Variants in CYTH4 observed in about 807,000 individuals in gnomAD.
The protein encoded by CYTH4 is cytohesin-4.
Under a neutral mutation model 57.5 loss-of-function variants are expected in CYTH4, and 22 were observed. That is an observed-to-expected ratio of 0.38 (90% CI 0.27 to 0.55). The LOEUF is 0.55. CYTH4 is among the 20% of genes least tolerant of loss of function. The probability of loss-of-function intolerance (pLI) is 0.74; values close to 1 mark genes in which losing one functional copy is unlikely to be tolerated. For synonymous variants in CYTH4, 186 were observed against 206.5 expected, an observed-to-expected ratio of 0.90 and a Z score of 0.85; for missense variants, 420 against 535.6, an observed-to-expected ratio of 0.78 and a Z score of 2.13.
intron 8 of CYTH4, among the ~76,000 whole-genome samples, chr22:37,307,102 C>T (rs972945438): frequency 2.4e-4 from 36 of 152,322 alleles, no homozygotes; most frequent in African/African-American, 8.7e-4. Flanking sequence ...GAAGGAGGCC[C>T]TTGCATTTCT....
Position 37,295,693 on chromosome 22 carries a change from C to T in CYTH4, c.168-306C>T, listed in dbSNP as rs1353471204. Reference sequence around the variant, plus strand: ...CTGGCTCCAGCACCTGCGTGCTCAGCCCTCGCCCCCTCCCCCGGTTTCTTG... The same window carrying T: ...CTGGCTCCAGCACCTGCGTGCTCAGTCCTCGCCCCCTCCCCCGGTTTCTTG... On this transcript the variant is annotated intron_variant, in intron 3 of 12. Transcript: ENST00000248901. This position sits in a 1 kb window ranked among gnomAD's most constrained non-coding sequence, Gnocchi z 4.1. Among the ~76,000 whole-genome samples, 1 of 152,206 alleles carries T rather than the reference C, an allele frequency of 6.6e-6. No homozygotes were observed.
At chr22:37,292,396 T>TG in intron 1 of CYTH4, 1 of 525,762 alleles carries the variant, frequency 1.9e-6, no homozygotes, top group Non-Finnish European at 3.4e-6. Flanking sequence ...AGGATCCTTT[T>TG]GGGGGTGTCT....
In CYTH4 at chr22:37,311,320, G is replaced by C. The variant is rs550868662; in HGVS notation, c.886-136G>C. ...TCTTCACATGCTGCTTCTAACTTCC[G>C]TCCCCCTATGACTGGACAGTCTCGG... On this transcript the variant is annotated intron_variant, in intron 10 of 12. Coordinates refer to ENST00000248901, the MANE Select transcript of CYTH4 (RefSeq NM_013385.5). This position sits in a 1 kb window ranked among gnomAD's most constrained non-coding sequence, Gnocchi z 4.4. 1.2e-6 allele frequency: 1 copy of C among 822,148 alleles called. No homozygotes were observed. Among genetic ancestry groups the C allele is most frequent in the Non-Finnish European group, 2.0e-6 (1 of 506,016 alleles). The allele number at this position is 822,148 out of a possible 1,614,324, so 50.9% of individuals were successfully genotyped here. A position where few individuals can be genotyped will look rare whatever the true frequency, so the allele number is the denominator to read the frequency against.
rs1435910912 is a variant in CYTH4 at position 37,311,818 on chromosome 22, G to C, written c.958-202G>C. The C allele has an allele frequency of 2.5e-5, 18 of 727,626 alleles. No individual in the cohort carries two copies. Among genetic ancestry groups the C allele is most frequent in the Non-Finnish European group, 4.0e-5 (18 of 452,842 alleles). The allele number at this position is 727,626 out of a possible 1,614,324, so 45.1% of individuals were successfully genotyped here. On this transcript the variant is annotated intron_variant, in intron 11 of 12. Coordinates refer to ENST00000248901, the MANE Select transcript of CYTH4 (RefSeq NM_013385.5). The surrounding 1 kb of genome is among the most constrained non-coding windows in gnomAD (Gnocchi z 4.4). The stretch of plus-strand genomic sequence containing the variant: ...GAACCTCAGTGAGCCCACATGTCAC[G>C]TGGGGACTTTAGGGAGGATGGTGGA...
intron 1 of CYTH4, among the ~76,000 whole-genome samples, chr22:37,284,352 A>G (rs1431855731): frequency 2.0e-5 from 3 of 152,066 alleles, no homozygotes; most frequent in Non-Finnish European, 2.9e-5. Context: ...TGGGGTGGAG[A>G]GGCAGGAGCC....
chr22:37,303,454 C>T (rs762862859), intron 8 of CYTH4, 52 bp downstream of exon 8: 32 of 1,584,230 alleles, frequency 2.0e-5, no homozygotes, highest in Non-Finnish European at 2.7e-5. Flanking sequence ...CAGGAGGGAC[C>T]TGTCCTTAGA....
At chr22:37,290,499 G>C (rs1032119257) in intron 1 of CYTH4, among the ~76,000 whole-genome samples, 1 of 151,818 alleles carries the variant, frequency 6.6e-6, no homozygotes, top group Non-Finnish European at 1.5e-5. Flanking sequence ...GGGTTTTTTT[G>C]TTTGTTTTGT....
chr22:37,303,205 G>A (rs1306397901), intron 7 of CYTH4, 49 bp from the exon 8 acceptor site: 1 of 1,610,044 alleles, frequency 6.2e-7, no homozygotes, highest in East Asian at 2.3e-5. Flanking sequence ...CGGGACAGAG[G>A]CAGGGAGAGT....
intron 8 of CYTH4, 54 bp from the exon 9 acceptor site, chr22:37,309,158 C>CT: frequency 6.4e-7 from 1 of 1,560,036 alleles, no homozygotes. Context: ...AGGCCTAGGC[C>CT]TTGGACTCGG....
Position 37,311,402 on chromosome 22 carries a change from TG to T in CYTH4, c.886-51del. 6.7e-7 allele frequency: 1 copy of T among 1,500,042 alleles called. No homozygotes were observed. The allele number at this position is 1,500,042 out of a possible 1,614,324, so 92.9% of individuals were successfully genotyped here. A position where few individuals can be genotyped will look rare whatever the true frequency, so the allele number is the denominator to read the frequency against. ...AACCCCACACGTTCACACCCTGCCTTGGGCCTCAGGGTTCCGCTTCCTGACC... is the reference window on the plus strand; with the variant it reads ...AACCCCACACGTTCACACCCTGCCTTGGCCTCAGGGTTCCGCTTCCTGACC... On this transcript the variant is annotated intron_variant, in intron 10 of 12. Coordinates refer to ENST00000248901, the MANE Select transcript of CYTH4 (RefSeq NM_013385.5). The surrounding 1 kb of genome is among the most constrained non-coding windows in gnomAD (Gnocchi z 4.4).
intron 8 of CYTH4, among the ~76,000 whole-genome samples, chr22:37,304,523 C>A (rs935477199): frequency 1.3e-5 from 2 of 152,140 alleles, no homozygotes; most frequent in African/African-American, 4.8e-5. Flanking sequence ...ATGGTCAGAG[C>A]CCAGCAGGGA....
intron 6 of CYTH4, 46 bp from the exon 7 acceptor site, chr22:37,300,861 C>T (rs9607440): frequency 1.3e-5 from 20 of 1,544,592 alleles, no homozygotes; most frequent in African/African-American, 4.1e-5. Flanking sequence ...CTGGGGCCCG[C>T]GAGGGCCCAC....
In CYTH4 at chr22:37,300,800, C is replaced by T. The variant is rs529282158; in HGVS notation, c.435-107C>T. Reference sequence around the variant, plus strand: ...CAGCCCAGATGACAGTTGCAGATTCCCCCATTTACAGGATACAGAGACTAA... The same window carrying T: ...CAGCCCAGATGACAGTTGCAGATTCTCCCATTTACAGGATACAGAGACTAA... On this transcript the variant is annotated intron_variant, in intron 6 of 12. Coordinates refer to ENST00000248901, the MANE Select transcript of CYTH4 (RefSeq NM_013385.5). The T allele has an allele frequency of 5.6e-5, 49 of 868,342 alleles. 1 individual carries two copies. In the South Asian group the frequency reaches 7.5e-4, roughly 13 times the overall value. 53.8% of individuals were successfully genotyped at this position (868,342 alleles called of 1,614,324 possible).
At position 37,313,455 on chromosome 22, in the gene CYTH4, G is replaced by A; in HGVS notation, c.1129G>A (p.Val377Ile). The change falls in exon 13 of 13, where the codon GTC becomes ATC. Residue 377 changes from valine to isoleucine, a missense_variant. Val to Ile is a conservative substitution (Grantham distance 29). Coordinates refer to ENST00000248901, the MANE Select transcript of CYTH4 (RefSeq NM_013385.5). Reference protein sequence around the residue: ...IESIRASITRVPFYDLVSTRK... With the variant: ...IESIRASITRIPFYDLVSTRK... ...TCATTCTAGAGCCAGCATCACCCGT[G>A]TCCCCTTCTACGACCTGGTCTCTAC... 1 of 1,614,160 alleles carries A rather than the reference G, an allele frequency of 6.2e-7. No individual in the cohort carries two copies. The highest frequency in any genetic ancestry group is 8.5e-7 in the Non-Finnish European group (1 of 1,180,008).
chr22:37,287,820 C>A (rs1569104805), intron 1 of CYTH4, among the ~76,000 whole-genome samples: 1 of 152,178 alleles, frequency 6.6e-6, no homozygotes, highest in Non-Finnish European at 1.5e-5. Flanking sequence ...CTGGAAAATA[C>A]CTACTTCAAA....
At position 37,311,097 on chromosome 22, in the gene CYTH4, C is replaced by T. The variant is rs193101839; in HGVS notation, c.885+33C>T. ...GGGTTCTCCTGGGCCTTCCCCTGCCCCCGCCTCTCCCCGCACAACCCACTT... is the reference window on the plus strand; with the variant it reads ...GGGTTCTCCTGGGCCTTCCCCTGCCTCCGCCTCTCCCCGCACAACCCACTT... On this transcript the variant is annotated intron_variant, in intron 10 of 12. Transcript: ENST00000248901. This position sits in a 1 kb window ranked among gnomAD's most constrained non-coding sequence, Gnocchi z 4.4. The T allele has an allele frequency of 1.9e-6, 3 of 1,608,422 alleles. No individual in the cohort carries two copies. Among genetic ancestry groups the T allele is most frequent in the Admixed American group, 1.7e-5 (1 of 59,950 alleles).
intron 4 of CYTH4, among the ~76,000 whole-genome samples, chr22:37,297,159 T>G (rs1929004531): frequency 1.3e-5 from 2 of 152,338 alleles, no homozygotes; most frequent in African/African-American, 2.4e-5. Context: ...ACAATAGACA[T>G]AGATTACTTG....
intron 6 of CYTH4, 96 bp downstream of exon 6, chr22:37,299,402 G>T: frequency 9.2e-7 from 1 of 1,091,270 alleles, no homozygotes. Flanking sequence ...CACAAACAAA[G>T]GGTTGGGAGC....
rs1272630103 is a variant in CYTH4 at position 37,295,512 on chromosome 22, C to A, written c.168-487C>A. Among the ~76,000 whole-genome samples, 2 of 152,200 alleles carry A rather than the reference C, an allele frequency of 1.3e-5. No individual in the cohort carries two copies. The highest frequency in any genetic ancestry group is 4.8e-5 in the African/African-American group (2 of 41,444). On this transcript the variant is annotated intron_variant, in intron 3 of 12. Transcript: ENST00000248901. The surrounding 1 kb of genome is among the most constrained non-coding windows in gnomAD (Gnocchi z 4.1). ...TCCAGCCACAACAATGACAACATAA[C>A]ACACCTACGCCTCACTGTTTTAGGT...
Sources: allele counts gnomAD v4.1 joint callset (sites outside exome capture counted in the v4.1 genomes callset), GRCh38; gene constraint gnomAD v4.1.1; non-coding constraint Gnocchi (gnomAD v3.1); transcripts MANE v1.5; gene names NCBI Gene and HGNC (gene_info 2026-07-23, HGNC 2026-07-21).